CAPZA1: variants seen among roughly 807,000 people sequenced by gnomAD.
CAPZA1 encodes the protein F-actin-capping protein subunit alpha-1.
Under a neutral mutation model 40.8 loss-of-function variants are expected in CAPZA1, and 10 were observed. That is an observed-to-expected ratio of 0.25 (90% CI 0.15 to 0.42). The LOEUF (loss-of-function observed/expected upper bound fraction) is 0.42. Among genes scored for constraint, CAPZA1 ranks in the 10% least tolerant of loss-of-function variants. The probability of loss-of-function intolerance (pLI) is 1.00; values close to 1 mark genes in which losing one functional copy is unlikely to be tolerated. For missense variants in CAPZA1, 277 were observed against 353.8 expected (o/e 0.78, Z 1.74); for synonymous variants, 98 against 115.0 (o/e 0.85, Z 0.95).
intron 5 of CAPZA1, among the ~76,000 whole-genome samples, chr1:112,655,590 T>C (rs1671482732): frequency 1.3e-5 from 2 of 152,274 alleles, no homozygotes; most frequent in East Asian, 3.9e-4. Flanking sequence ...TGAGACTAAG[T>C]CTTACTCTGT....
chr1:112,628,847 C>G (rs1670865723), intron 1 of CAPZA1, among the ~76,000 whole-genome samples: 1 of 152,240 alleles, frequency 6.6e-6, no homozygotes, highest in Non-Finnish European at 1.5e-5. Context: ...CACTTGTTGT[C>G]CACTGGTAAA....
At chr1:112,627,679 G>A (rs1011069419) in intron 1 of CAPZA1, among the ~76,000 whole-genome samples, 4 of 148,522 alleles carry the variant, frequency 2.7e-5, no homozygotes, top group Admixed American at 6.8e-5. Context: ...AGGGCCAGGC[G>A]TAGTGGTTCA....
In CAPZA1 at chr1:112,669,624, A is replaced by T; in HGVS notation, c.720+19A>T. On this transcript the variant is annotated intron_variant, in intron 9 of 9. Transcript: ENST00000263168. ...GTATCAGGTAAGAAGATTTGGAGTTAATTTTCCTAGATCTACTATCTTATT... is the reference window on the plus strand; with the variant it reads ...GTATCAGGTAAGAAGATTTGGAGTTTATTTTCCTAGATCTACTATCTTATT... 1 of 1,525,216 alleles carries T rather than the reference A, an allele frequency of 6.6e-7. No individual in the cohort carries two copies. Among genetic ancestry groups the T allele is most frequent in the Non-Finnish European group, 9.1e-7 (1 of 1,101,774 alleles). 94.5% of individuals were successfully genotyped at this position (1,525,216 alleles called of 1,614,324 possible).
chr1:112,650,161 G>C (rs567955446), intron 3 of CAPZA1: 1 of 152,326 alleles, frequency 6.6e-6, no homozygotes, highest in South Asian at 2.1e-4. Flanking sequence ...ATAATGGCTA[G>C]AGTGGGTAGG....
In CAPZA1 at chr1:112,659,053, CTAT is replaced by C; in HGVS notation, c.463_465del (p.Ile155del). 1 of 1,613,280 alleles carries C rather than the reference CTAT, an allele frequency of 6.2e-7. No homozygotes were observed. On this transcript the variant is annotated inframe_deletion, in exon 6 of 10. Transcript: ENST00000263168. ...GCTAAAACTATCGATGGGCAACAGA[CTAT>C]TATTGCATGTATTGAAAGCCACCAG...
intron 1 of CAPZA1, among the ~76,000 whole-genome samples, chr1:112,630,953 A>C (rs906128976): frequency 3.3e-5 from 5 of 152,208 alleles, no homozygotes; most frequent in African/African-American, 4.8e-5. Context: ...TATTAGCTTA[A>C]GGTAGTGGCT....
At position 112,670,437 on chromosome 1, in the gene CAPZA1, T is replaced by G. The variant is rs1671808462; in HGVS notation, c.*305T>G. 1 of 245,452 alleles carries G rather than the reference T, an allele frequency of 4.1e-6. No individual in the cohort carries two copies. Among genetic ancestry groups the G allele is most frequent in the African/African-American group, 2.4e-5 (1 of 42,004 alleles). 15.2% of individuals were successfully genotyped at this position (245,452 alleles called of 1,614,324 possible). ...GAGAGTGATCTATCCTAATGACATTTTACTGTTTAAAAAAGTTTCCTAGCC... is the reference window on the plus strand; with the variant it reads ...GAGAGTGATCTATCCTAATGACATTGTACTGTTTAAAAAAGTTTCCTAGCC... On this transcript the variant is annotated 3_prime_UTR_variant, in exon 10 of 10. Coordinates refer to ENST00000263168, the MANE Select transcript of CAPZA1 (RefSeq NM_006135.3).
At chr1:112,646,131 A>G (rs1170211287) in intron 1 of CAPZA1, among the ~76,000 whole-genome samples, 1 of 152,230 alleles carries the variant, frequency 6.6e-6, no homozygotes, top group Non-Finnish European at 1.5e-5. Context: ...ATCCATTTAT[A>G]ATAGTATATC....
Position 112,671,580 on chromosome 1 carries a change from G to A in CAPZA1, c.*1448G>A, listed in dbSNP as rs12561953. 1 of 152,548 alleles carries A rather than the reference G, an allele frequency of 6.6e-6. No individual in the cohort carries two copies. The highest frequency in any genetic ancestry group is 2.4e-5 in the African/African-American group (1 of 41,420). 9.4% of individuals were successfully genotyped at this position (152,548 alleles called of 1,614,324 possible). ...CCATACCACACTATCTTCTGTATCA[G>A]GTAGTCTAATAGAAATATACCTGTT... is the stretch of plus-strand genomic sequence containing the variant. On this transcript the variant is annotated 3_prime_UTR_variant, in exon 10 of 10. Transcript: ENST00000263168.
intron 1 of CAPZA1, among the ~76,000 whole-genome samples, chr1:112,641,559 A>T (rs1029884049): frequency 4.0e-5 from 6 of 150,322 alleles, no homozygotes; most frequent in African/African-American, 1.5e-4. Flanking sequence ...TAAAAACTGA[A>T]TTTTTTTTTT....
chr1:112,657,504 C>G (rs1255564028), intron 5 of CAPZA1, among the ~76,000 whole-genome samples: 1 of 152,182 alleles, frequency 6.6e-6, no homozygotes, highest in Non-Finnish European at 1.5e-5. Flanking sequence ...TTTTCCTTGT[C>G]CATGACTTCC....
At chr1:112,619,943 G>A (rs749414612) in intron 1 of CAPZA1, 60 bp downstream of exon 1, 49 of 1,395,102 alleles carry the variant, frequency 3.5e-5, no homozygotes, top group Non-Finnish European at 4.4e-5. Context: ...GGCCCGGCCC[G>A]GCTGCGTTGG....
At chr1:112,654,305 A>G (rs1005294674) in intron 4 of CAPZA1, among the ~76,000 whole-genome samples, 160 bp from the exon 5 acceptor site, 6 of 152,228 alleles carry the variant, frequency 3.9e-5, no homozygotes, top group African/African-American at 1.4e-4. Context: ...CATAAATACA[A>G]TATTCTTAAT....
intron 9 of CAPZA1, 60 bp downstream of exon 9, chr1:112,669,665 T>C: frequency 8.0e-7 from 1 of 1,253,800 alleles, no homozygotes; most frequent in South Asian, 1.2e-5. Context: ...GCTGTTAGCA[T>C]ATTTTGTTAG....
At chr1:112,663,618 C>T (rs1671662999) in intron 7 of CAPZA1, among the ~76,000 whole-genome samples, 1 of 152,024 alleles carries the variant, frequency 6.6e-6, no homozygotes, top group African/African-American at 2.4e-5. Context: ...TCTCCTGTCT[C>T]AGCCTCCCAA....
chr1:112,664,702 C>T (rs777098474), intron 7 of CAPZA1, among the ~76,000 whole-genome samples: 3 of 151,884 alleles, frequency 2.0e-5, no homozygotes, highest in Non-Finnish European at 4.4e-5. Flanking sequence ...TTTGGGAGAC[C>T]GAGGTGGGTG....
chr1:112,667,837 T>C (rs1382690617), intron 8 of CAPZA1, among the ~76,000 whole-genome samples: 5 of 152,022 alleles, frequency 3.3e-5, no homozygotes, highest in African/African-American at 1.2e-4. Flanking sequence ...TGGCCACTAT[T>C]GTGTTCTATA....
At chr1:112,641,520 T>C (rs1015316600) in intron 1 of CAPZA1, among the ~76,000 whole-genome samples, 20 of 152,252 alleles carry the variant, frequency 1.3e-4, no homozygotes, top group Admixed American at 1.0e-3. Flanking sequence ...TTCTCAAACT[T>C]TTTTACTGTC....
At chr1:112,624,363 C>T (rs1670754021) in intron 1 of CAPZA1, among the ~76,000 whole-genome samples, 1 of 152,044 alleles carries the variant, frequency 6.6e-6, no homozygotes, top group Non-Finnish European at 1.5e-5. Flanking sequence ...AATCCCAGTA[C>T]TTTGGGAGGC....
Sources: allele counts gnomAD v4.1 joint callset (sites outside exome capture counted in the v4.1 genomes callset), GRCh38; gene constraint gnomAD v4.1.1; transcripts MANE v1.5; gene names NCBI Gene and HGNC (gene_info 2026-07-23, HGNC 2026-07-21).